CLASP1: variants seen among roughly 807,000 people sequenced by gnomAD.
CLASP1 encodes the protein cytoplasmic linker associated protein 1.
CLASP1 carries 38 observed loss-of-function variants against 192.3 expected under a neutral mutation model. That is an observed-to-expected ratio of 0.20 (90% CI 0.15 to 0.26). The LOEUF (loss-of-function observed/expected upper bound fraction) is 0.26. CLASP1 is among the 10% of genes least tolerant of loss of function. CLASP1 has a pLI of 1.00. For synonymous variants in CLASP1, 691 were observed against 712.8 expected, an observed-to-expected ratio of 0.97 and a Z score of 0.49; for missense variants, 1,433 against 1,932.5, an observed-to-expected ratio of 0.74 and a Z score of 4.85.
intron 7 of CLASP1, among the ~76,000 whole-genome samples, chr2:121,510,263 T>G (rs76826536): frequency 0.038 from 5,648 of 150,218 alleles, 155 homozygotes; most frequent in East Asian, 0.14. Flanking sequence ...AAACCAGAAG[T>G]TAGTTCTTTG....
intron 2 of CLASP1, among the ~76,000 whole-genome samples, chr2:121,545,412 A>G (rs1053366698): frequency 6.6e-6 from 1 of 152,018 alleles, no homozygotes; most frequent in African/African-American, 2.4e-5. Context: ...TTGAATCATG[A>G]TCCAAAAAAA....
At chr2:121,635,696 T>C (rs1267891001) in intron 1 of CLASP1, among the ~76,000 whole-genome samples, 1 of 152,246 alleles carries the variant, frequency 6.6e-6, no homozygotes, top group Non-Finnish European at 1.5e-5. Context: ...AGTTAACTTC[T>C]GGAATTTCTG....
chr2:121,413,480 A>G (rs1320929651), intron 23 of CLASP1, among the ~76,000 whole-genome samples: 1 of 152,200 alleles, frequency 6.6e-6, no homozygotes, highest in Non-Finnish European at 1.5e-5. Context: ...TTGATGTATT[A>G]CTGTATGCTT....
In CLASP1 at chr2:121,537,963, A is replaced by C. The variant is rs1490132471; in HGVS notation, c.196-7638T>G. On this transcript the variant is annotated intron_variant, in intron 2 of 39. Transcript: ENST00000263710. ...AGAAAGATTCTTCCTTAACTTCATA[A>C]AGGATATATTTTTTTCAAACCTACA... is the stretch of plus-strand genomic sequence containing the variant. Among the ~76,000 whole-genome samples, 4 of 152,214 alleles carry C rather than the reference A, an allele frequency of 2.6e-5. No homozygotes were observed. In the East Asian group the frequency reaches 5.8e-4, roughly 22 times the overall value.
Position 121,348,536 on chromosome 2 carries a change from G to C in CLASP1, c.4389C>G (p.Val1463=), listed in dbSNP as rs768631975. ...CCTGCAGCAAGCCTGGGATGATGTC[G>C]ACAAGGAGCTGCAGCAATGACTCCT... The change falls in exon 38 of 40, where the codon GTC becomes GTG. Residue 1463 remains valine (V), a synonymous_variant. Coordinates refer to ENST00000263710, the Ensembl canonical transcript of CLASP1. The C allele has an allele frequency of 9.3e-6, 15 of 1,611,460 alleles. No individual in the cohort carries two copies. The African/African-American group carries it at 1.1e-4, about 11-fold the overall frequency.
At chr2:121,464,244 A>G (rs1458647782) in intron 9 of CLASP1, among the ~76,000 whole-genome samples, 1 of 151,864 alleles carries the variant, frequency 6.6e-6, no homozygotes, top group Non-Finnish European at 1.5e-5. Context: ...CCAGTCTATC[A>G]TTGTTGGACA....
At chr2:121,497,043 ATTAGACTGG>A in intron 8 of CLASP1, among the ~76,000 whole-genome samples, 1 of 152,104 alleles carries the variant, frequency 6.6e-6, no homozygotes, top group East Asian at 1.9e-4. Context: ...AAAGGTAGAG[ATTAGACTGG>A]TAGTTACCAA....
At chr2:121,372,786 C>T (rs1306949401) in intron 34 of CLASP1, among the ~76,000 whole-genome samples, 2 of 152,226 alleles carry the variant, frequency 1.3e-5, no homozygotes, top group African/African-American at 4.8e-5. Context: ...TCCAGTATCA[C>T]CAGGGTGAAG....
In CLASP1 at chr2:121,538,561, G is replaced by A. The variant is rs528913800; in HGVS notation, c.196-8236C>T. On this transcript the variant is annotated intron_variant, in intron 2 of 39. Transcript: ENST00000263710. ...CCAGCAATTTGGGAGGCCATGACGGGCAGATCACGAGGTCAGGAGATGGAG... is the reference window on the plus strand; with the variant it reads ...CCAGCAATTTGGGAGGCCATGACGGACAGATCACGAGGTCAGGAGATGGAG... Among the ~76,000 whole-genome samples the A allele has an allele frequency of 1.4e-4, 22 of 152,100 alleles. No individual in the cohort carries two copies. In the East Asian group the frequency reaches 3.7e-3, roughly 25 times the overall value.
chr2:121,478,841 ACACACACCACACAC>A (rs1559368070), intron 8 of CLASP1, among the ~76,000 whole-genome samples: 144 of 44,064 alleles, frequency 3.3e-3, no homozygotes, highest in East Asian at 9.2e-3. Context: ...CACACACCAC[ACACACACCACACAC>A]CACACCACAC....
chr2:121,382,501 T>C lies in CLASP1; in HGVS notation c.3375-177A>G, dbSNP rs189955140. On this transcript the variant is annotated intron_variant, in intron 32 of 39. Coordinates refer to ENST00000263710, the Ensembl canonical transcript of CLASP1. Reference sequence around the variant, plus strand: ...TACAGAGAAAAGAACAAATTTTGTTTTACAATTTGGTCCTCGATGAGACTG... The same window carrying C: ...TACAGAGAAAAGAACAAATTTTGTTCTACAATTTGGTCCTCGATGAGACTG... Among the ~76,000 whole-genome samples, 217 of 152,294 alleles carry C rather than the reference T, an allele frequency of 1.4e-3. 1 individual carries two copies. Among genetic ancestry groups the C allele is most frequent in the Admixed American group, 0.014 (209 of 15,296 alleles).
intron 13 of CLASP1, 134 bp from the exon 14 acceptor site, chr2:121,457,891 GA>G: frequency 1.7e-6 from 1 of 589,494 alleles, no homozygotes; most frequent in East Asian, 3.0e-5. Flanking sequence ...AGTTTTAAAA[GA>G]AAAAAAGAAT....
intron 37 of CLASP1, among the ~76,000 whole-genome samples, chr2:121,350,355 G>A (rs2064135002): frequency 6.6e-6 from 1 of 152,220 alleles, no homozygotes; most frequent in Non-Finnish European, 1.5e-5. Flanking sequence ...GGGTGAAGAA[G>A]TCTGTACAAG....
intron 1 of CLASP1, among the ~76,000 whole-genome samples, chr2:121,641,862 A>G (rs2072143826): frequency 6.6e-6 from 1 of 152,188 alleles, no homozygotes; most frequent in Non-Finnish European, 1.5e-5. Context: ...ATACATATTA[A>G]AAGTCATAAA....
intron 6 of CLASP1, among the ~76,000 whole-genome samples, chr2:121,522,195 T>C (rs547373958): frequency 6.6e-6 from 1 of 152,312 alleles, no homozygotes; most frequent in Non-Finnish European, 1.5e-5. Context: ...TGTGAATATA[T>C]GGATTATTTT....
intron 8 of CLASP1, among the ~76,000 whole-genome samples, chr2:121,491,059 T>C (rs2093279463): frequency 6.6e-6 from 1 of 152,268 alleles, no homozygotes; most frequent in Non-Finnish European, 1.5e-5. Context: ...TAACAGAATC[T>C]GTCAATGGTC....
At chr2:121,576,108 T>C (rs1246777377) in intron 2 of CLASP1, among the ~76,000 whole-genome samples, 1 of 152,150 alleles carries the variant, frequency 6.6e-6, no homozygotes, top group Non-Finnish European at 1.5e-5. Flanking sequence ...ACAGGAAGGG[T>C]TAGAGGTCTT....
intron 2 of CLASP1, among the ~76,000 whole-genome samples, chr2:121,596,169 A>G (rs1196123795): frequency 6.6e-6 from 1 of 152,248 alleles, no homozygotes; most frequent in East Asian, 1.9e-4. Flanking sequence ...AACAATCCAT[A>G]TAAATTTTCT....
exon 12 of CLASP1, chr2:121,460,125 G>A: frequency 1.2e-6 from 2 of 1,608,420 alleles, no homozygotes; most frequent in South Asian, 1.1e-5. Context: ...ATCTTTTTTA[G>A]CTAATGGAAT....
Sources: gnomAD v4.1 joint callset for allele counts (sites outside exome capture counted in the v4.1 genomes callset) on GRCh38, gnomAD v4.1.1 for gene constraint, MANE v1.5 for transcripts, NCBI Gene and HGNC (gene_info 2026-07-23, HGNC 2026-07-21) for gene names.